FXYD1: variants seen among roughly 807,000 people sequenced by gnomAD.
The protein encoded by FXYD1 is phospholemman.
Under a neutral mutation model 17.2 loss-of-function variants are expected in FXYD1, and 9 were observed. The observed-to-expected ratio is 0.52, with a 90% confidence interval of 0.32 to 0.91. The LOEUF is 0.91. Ranked by LOEUF, FXYD1 falls within the 40% of genes least tolerant of loss-of-function variation. The pLI, the probability that FXYD1 is intolerant of heterozygous loss-of-function variation, is 0.04. For synonymous variants in FXYD1, 55 were observed against 45.8 expected (o/e 1.20, Z -0.81); for missense variants, 113 against 120.6 (o/e 0.94, Z 0.29).
At chr19:35,142,263 T>C (rs1215642226) in intron 5 of FXYD1, 6 of 434,000 alleles carry the variant, frequency 1.4e-5, no homozygotes, top group Non-Finnish European at 2.0e-5. Flanking sequence ...TCCGCGGAGG[T>C]ACTCACTGTT....
intron 2 of FXYD1, 33 bp downstream of exon 2, chr19:35,140,173 T>G: frequency 8.2e-7 from 1 of 1,224,730 alleles, no homozygotes; most frequent in Non-Finnish European, 1.2e-6. Flanking sequence ...GCTACCCACC[T>G]CAGCCCCAGG....
intron 5 of FXYD1, 46 bp from the exon 6 acceptor site, chr19:35,142,426 C>T: frequency 6.7e-7 from 1 of 1,485,160 alleles, no homozygotes. Flanking sequence ...GAAGGGCAGC[C>T]TCTCCCCCTT....
At position 35,141,354 on chromosome 19, in the gene FXYD1, G is replaced by A. The variant is rs955551469; in HGVS notation, c.169+148G>A. 2.8e-4 allele frequency: 44 copies of A among 154,678 alleles called. 2 individuals carry two copies. The highest frequency in any genetic ancestry group is 1.1e-3 in the South Asian group (24 of 22,506). The allele number at this position is 154,678 out of a possible 1,614,324, so 9.6% of individuals were successfully genotyped here. On this transcript the variant is annotated intron_variant, in intron 4 of 7. Coordinates refer to ENST00000351325, the MANE Select transcript of FXYD1 (RefSeq NM_021902.4). The stretch of plus-strand genomic sequence containing the variant: ...TCCCGCCCCTCCCTGGCCCCGCCCC[G>A]CCCCAACCCCTCCCAGGCCTTGCCC...
In FXYD1 at chr19:35,141,151, C is replaced by T; in HGVS notation, c.114C>T (p.Ile38=). The change falls in exon 4 of 8, where the codon ATC becomes ATT. Residue 38 remains isoleucine, a synonymous_variant. Transcript: ENST00000351325. ...TCACAGACTACCAGTCCCTGCAGAT[C>T]GGAGGCCTCGTCATCGCCGGGATCC... is the stretch of plus-strand genomic sequence containing the variant. ...PFTYDYQSLQ[I]GGLVIAGILF... 3.1e-6 allele frequency: 5 copies of T among 1,609,580 alleles called. No homozygotes were observed. The highest frequency in any genetic ancestry group is 4.3e-6 in the Non-Finnish European group (5 of 1,176,408).
At chr19:35,140,163 G>A (rs573285044) in intron 2 of FXYD1, 23 bp downstream of exon 2, 12 of 1,305,070 alleles carry the variant, frequency 9.2e-6, no homozygotes, top group Admixed American at 8.4e-5. Flanking sequence ...GAGGCTGCCC[G>A]CTACCCACCT....
At chr19:35,139,881 C>A in intron 1 of FXYD1, 195 bp from the exon 2 acceptor site, 1 of 575,012 alleles carries the variant, frequency 1.7e-6, no homozygotes. Context: ...GTGATCCCAT[C>A]GTGGAGGTTG....
intron 4 of FXYD1, 72 bp from the exon 5 acceptor site, chr19:35,141,464 G>T: frequency 7.7e-7 from 1 of 1,294,176 alleles, no homozygotes; most frequent in Non-Finnish European, 1.1e-6. Flanking sequence ...GCGAGGGCGA[G>T]CTGGAGCTAC....
At chr19:35,142,259 G>T in intron 5 of FXYD1, 1 of 475,460 alleles carries the variant, frequency 2.1e-6, no homozygotes, top group South Asian at 3.7e-5. Flanking sequence ...CAAATCCGCG[G>T]AGGTACTCAC....
At chr19:35,140,705 C>G (rs1407763792) in intron 3 of FXYD1, 76 bp downstream of exon 3, 1 of 1,171,558 alleles carries the variant, frequency 8.5e-7, no homozygotes, top group Non-Finnish European at 1.3e-6. Flanking sequence ...CTCGCCCTCC[C>G]CCAGAGTCCC....
intron 3 of FXYD1, 168 bp downstream of exon 3, chr19:35,140,797 G>A: frequency 1.6e-6 from 1 of 619,870 alleles, no homozygotes; most frequent in Admixed American, 2.7e-5. Context: ...TTTCCTGTCT[G>A]TGTCTATCTG....
At chr19:35,139,704 G>C (rs2065232735) in intron 1 of FXYD1, 1 of 209,704 alleles carries the variant, frequency 4.8e-6, no homozygotes, top group South Asian at 8.1e-5. Context: ...GGTGGGACTT[G>C]GGCGTGCCCT....
chr19:35,142,407 G>A, intron 5 of FXYD1, 65 bp from the exon 6 acceptor site: 3 of 1,232,768 alleles, frequency 2.4e-6, no homozygotes, highest in African/African-American at 1.5e-5. Context: ...TTGTACTGGG[G>A]GGTTCCTAGA....
chr19:35,139,893 T>C, intron 1 of FXYD1, 183 bp from the exon 2 acceptor site: 1 of 585,410 alleles, frequency 1.7e-6, no homozygotes, highest in Non-Finnish European at 3.1e-6. Context: ...TGGAGGTTGT[T>C]TTGGTGACAC....
Position 35,142,756 on chromosome 19 carries a change from G to A in FXYD1, c.*14G>A. On this transcript the variant is annotated 3_prime_UTR_variant, in exon 7 of 8. Coordinates refer to ENST00000351325, the MANE Select transcript of FXYD1 (RefSeq NM_021902.4). ...CGCAGGCGGTAGAAACACCTGGAGC[G>A]ATGGAATCCGGCCAGGTGCTGCAGC... is the stretch of plus-strand genomic sequence containing the variant. 12 of 1,612,694 alleles carry A rather than the reference G, an allele frequency of 7.4e-6. No individual in the cohort carries two copies. Among genetic ancestry groups the A allele is most frequent in the South Asian group, 1.1e-5 (1 of 90,934 alleles).
intron 3 of FXYD1, 128 bp from the exon 4 acceptor site, chr19:35,141,004 T>G (rs2065246654): frequency 1.4e-5 from 7 of 503,834 alleles, no homozygotes; most frequent in Non-Finnish European, 2.3e-5. Context: ...CTGCTCCCCC[T>G]TAATTATCTT....
At chr19:35,139,796 G>A (rs934247965) in intron 1 of FXYD1, 10 of 376,252 alleles carry the variant, frequency 2.7e-5, no homozygotes, top group South Asian at 9.7e-5. Context: ...GGCCTGCTGC[G>A]GGAGGTGGAG....
intron 3 of FXYD1, 168 bp from the exon 4 acceptor site, chr19:35,140,964 C>T (rs1600485232): frequency 3.4e-6 from 2 of 587,716 alleles, no homozygotes; most frequent in East Asian, 6.0e-5. Flanking sequence ...CCTTTCCTCT[C>T]CCTGGTACCC....
At position 35,142,517 on chromosome 19, in the gene FXYD1, C is replaced by T; in HGVS notation, c.252C>T (p.Ile84=). The part of the protein sequence containing the change: ...DEEEGTFRSS[I]RRLSTRRR ...AGGAGGGAACTTTCCGCAGCTCCAT[C>T]CGCCGTGAGTCTGGGGAGACTGCGG... The change falls in exon 6 of 8, where the codon ATC becomes ATT. Residue 84 remains isoleucine, a synonymous_variant. Coordinates refer to ENST00000351325, the MANE Select transcript of FXYD1 (RefSeq NM_021902.4). The T allele has an allele frequency of 6.2e-7, 1 of 1,613,286 alleles. No individual in the cohort carries two copies. Among genetic ancestry groups the T allele is most frequent in the Non-Finnish European group, 8.5e-7 (1 of 1,179,434 alleles).
intron 2 of FXYD1, 77 bp from the exon 3 acceptor site, chr19:35,140,520 C>T (rs970869971): frequency 1.5e-6 from 2 of 1,298,598 alleles, no homozygotes; most frequent in African/African-American, 2.9e-5. Context: ...CAAGGCAGAG[C>T]CTCCAGTGGT....
Sources: allele counts gnomAD v4.1 joint callset, GRCh38; gene constraint gnomAD v4.1.1; transcripts MANE v1.5; gene names NCBI Gene and HGNC (gene_info 2026-07-23, HGNC 2026-07-21).